The following SEMA3D variants were observed in gnomAD, a reference collection of about 807,000 sequenced individuals.
SEMA3D encodes semaphorin-3D.
In SEMA3D, 84 loss-of-function variants were observed where a neutral mutation model predicts 100.1. That is an observed-to-expected ratio of 0.84 (90% CI 0.70 to 1.01). SEMA3D has a LOEUF of 1.01. Ranked by LOEUF, SEMA3D falls within the 50% of genes least tolerant of loss-of-function variation. The probability of loss-of-function intolerance (pLI) is 0.00; values close to 1 mark genes in which losing one functional copy is unlikely to be tolerated. For synonymous variants in SEMA3D, 312 were observed against 320.7 expected (o/e 0.97, Z 0.29); for missense variants, 875 against 934.1 (o/e 0.94, Z 0.82).
At chr7:85,142,540 C>A in intron 2 of SEMA3D, 1 of 983,890 alleles carries the variant, frequency 1.0e-6, no homozygotes, top group Non-Finnish European at 1.2e-6. Context: ...GTATTTTCCC[C>A]AATTTGCATT....
In SEMA3D at chr7:85,055,845, C is replaced by T; in HGVS notation, c.733G>A (p.Gly245Arg). ...TAGGTGTCTGGTATGAAGAAAGTTC[C>T]AATAAATTTTGCTCCTGTTTGAAAG... Reference protein sequence around the residue: ...HYWLNGAKFIGTFFIPDTYNP... With the variant: ...HYWLNGAKFIRTFFIPDTYNP... The change falls in exon 9 of 19, where the codon GGA becomes AGA. Residue 245 changes from glycine (G) to arginine (R), a missense_variant. Coordinates refer to ENST00000284136, the MANE Select transcript of SEMA3D (RefSeq NM_001384900.1). The T allele has an allele frequency of 6.4e-7, 1 of 1,556,236 alleles. No individual in the cohort carries two copies. Among genetic ancestry groups the T allele is most frequent in the Non-Finnish European group, 8.8e-7 (1 of 1,141,100 alleles).
upstream of SEMA3D, among the ~76,000 whole-genome samples, chr7:85,189,397 T>C (rs1198699076): frequency 1.3e-5 from 2 of 152,150 alleles, no homozygotes; most frequent in African/African-American, 4.8e-5. Flanking sequence ...GAGATCTACT[T>C]TCATCAAAAG....
intron 5 of SEMA3D, among the ~76,000 whole-genome samples, chr7:85,080,805 T>A (rs985504563): frequency 3.1e-4 from 47 of 152,050 alleles, no homozygotes; most frequent in African/African-American, 1.1e-3. Context: ...GCAGGACAAC[T>A]TGGACAGTGC....
intron 13 of SEMA3D, among the ~76,000 whole-genome samples, chr7:85,021,141 C>T (rs1470108340): frequency 4.0e-5 from 6 of 151,602 alleles, no homozygotes; most frequent in African/African-American, 1.2e-4. Context: ...TGATCCTGTT[C>T]GCACAAAATA....
Position 85,065,492 on chromosome 7 carries a change from C to T in SEMA3D, c.650G>A (p.Arg217Gln), listed in dbSNP as rs1468927831. 5.6e-6 allele frequency: 9 copies of T among 1,612,292 alleles called. No individual in the cohort carries two copies. Among genetic ancestry groups the T allele is most frequent in the Non-Finnish European group, 7.6e-6 (9 of 1,178,748 alleles). Residue 217 changes from arginine to glutamine, a missense_variant, in exon 8 of 19, where the codon CGA becomes CAA. Transcript: ENST00000284136. The stretch of plus-strand genomic sequence containing the variant: ...GTGGTCATGAGTAGGCCCAAGGGAT[C>T]GAGTGAATGCAGTATCTTTGCCAAG... ...DFLGKDTAFTRSLGPTHDHHY... is the reference protein window; with the variant it reads ...DFLGKDTAFTQSLGPTHDHHY...
At chr7:85,166,841 G>A (rs759747530) in intron 1 of SEMA3D, among the ~76,000 whole-genome samples, 1 of 151,906 alleles carries the variant, frequency 6.6e-6, no homozygotes, top group African/African-American at 2.4e-5. Flanking sequence ...TTTTATTTTT[G>A]ACATTTTATA....
At chr7:85,121,694 C>A in intron 3 of SEMA3D, 47 bp downstream of exon 3, 1 of 1,066,150 alleles carries the variant, frequency 9.4e-7, no homozygotes, top group Non-Finnish European at 1.3e-6. Flanking sequence ...TCAAAAAAGA[C>A]ATTTCAAAAT....
chr7:85,245,191 C>A, the SEMA3D span, among the ~76,000 whole-genome samples: 1 of 151,948 alleles, frequency 6.6e-6, no homozygotes, highest in African/African-American at 2.4e-5. Context: ...CATTAAAATT[C>A]AAAATCGTAA....
At chr7:85,158,201 A>G (rs1237778586) in intron 1 of SEMA3D, among the ~76,000 whole-genome samples, 1 of 152,206 alleles carries the variant, frequency 6.6e-6, no homozygotes, top group African/African-American at 2.4e-5. Flanking sequence ...AAGAGAGATA[A>G]CCTTAAACTC....
intron 3 of SEMA3D, among the ~76,000 whole-genome samples, chr7:85,111,170 T>A (rs1322453537): frequency 6.6e-6 from 1 of 152,074 alleles, no homozygotes; most frequent in Non-Finnish European, 1.5e-5. Context: ...CAGAAGCCAA[T>A]CTTTTGAATT....
chr7:85,144,496 C>A, intron 2 of SEMA3D: 1 of 978,218 alleles, frequency 1.0e-6, no homozygotes, highest in Non-Finnish European at 1.2e-6. Flanking sequence ...GGGAAAGATT[C>A]TCAGAATAGA....
chr7:85,208,381 C>G, the SEMA3D span, among the ~76,000 whole-genome samples: 1 of 151,856 alleles, frequency 6.6e-6, no homozygotes, highest in East Asian at 1.9e-4. Flanking sequence ...AATAAAGAAG[C>G]TCTAGTGTTC....
intron 4 of SEMA3D, among the ~76,000 whole-genome samples, chr7:85,084,851 G>A (rs1212020980): frequency 2.6e-5 from 4 of 152,104 alleles, no homozygotes; most frequent in Admixed American, 2.6e-4. Flanking sequence ...ACTTATAAGT[G>A]ATGAGAACAC....
chr7:85,073,058 T>G lies in SEMA3D; in HGVS notation c.399A>C (p.Arg133Ser). Residue 133 changes from arginine (R) to serine (S), a missense_variant, in exon 6 of 19, where the codon AGA becomes AGC. Transcript: ENST00000284136. ...GAGTTTTGTTATAGGGCTGAAGTACTCTGATGAAATTTGCACATTCTGTCT... is the reference window on the plus strand; with the variant it reads ...GAGTTTTGTTATAGGGCTGAAGTACGCTGATGAAATTTGCACATTCTGTCT... The part of the protein sequence containing the change: ...DANTECANFI[R>S]VLQPYNKTHI... 1 of 1,612,688 alleles carries G rather than the reference T, an allele frequency of 6.2e-7. No homozygotes were observed. Among genetic ancestry groups the G allele is most frequent in the Non-Finnish European group, 8.5e-7 (1 of 1,179,382 alleles).
chr7:85,225,977 C>T, the SEMA3D span, among the ~76,000 whole-genome samples: 4 of 152,208 alleles, frequency 2.6e-5, no homozygotes, highest in Non-Finnish European at 4.4e-5. Flanking sequence ...AAAGCCTCCA[C>T]ATTGCACTAA....
chr7:85,138,854 CT>C (rs767065846), intron 2 of SEMA3D, among the ~76,000 whole-genome samples: 8 of 151,490 alleles, frequency 5.3e-5, no homozygotes, highest in East Asian at 1.9e-4. Context: ...ATATTCCCCC[CT>C]GTCCATATGT....
chr7:85,068,206 CA>C lies in SEMA3D; in HGVS notation c.573del (p.Phe191LeufsTer4). The C allele has an allele frequency of 6.2e-7, 1 of 1,601,322 alleles. No homozygotes were observed. The highest frequency in any genetic ancestry group is 8.6e-7 in the Non-Finnish European group (1 of 1,168,570). On this transcript the variant is annotated frameshift_variant, in exon 7 of 19. Coordinates refer to ENST00000284136, the MANE Select transcript of SEMA3D (RefSeq NM_001384900.1). LOFTEE classifies it high-confidence loss of function. ...TTGATCTTACCTGTCATTACTGAAG[CA>C]AAAGGCTGCTGAGGATCGAAAGGAC... ...LKCPFDPQQP[F>X]ASVMTDEYLY... is the part of the protein sequence containing the mutation.
chr7:85,059,471 CT>C (rs1300117678), intron 8 of SEMA3D, among the ~76,000 whole-genome samples: 4 of 152,136 alleles, frequency 2.6e-5, no homozygotes, highest in African/African-American at 9.7e-5. Context: ...TATTGTAGCA[CT>C]TGCATATAAT....
chr7:85,073,560 C>T (rs55859522), intron 5 of SEMA3D, among the ~76,000 whole-genome samples: 458 of 152,204 alleles, frequency 3.0e-3, no homozygotes, highest in Non-Finnish European at 3.2e-3. Flanking sequence ...GGTATCCTTA[C>T]TTTCTACAAG....
Sources: allele counts gnomAD v4.1 joint callset (sites outside exome capture counted in the v4.1 genomes callset), GRCh38; gene constraint gnomAD v4.1.1; transcripts MANE v1.5; gene names NCBI Gene and HGNC (gene_info 2026-07-23, HGNC 2026-07-21).